Variants in TRPM3 observed in about 807,000 individuals in gnomAD.
The protein encoded by TRPM3 is long transient receptor potential channel 3.
A neutral mutation model predicts 181.2 loss-of-function variants in TRPM3; 77 were observed. The ratio of observed to expected loss-of-function variants is 0.42; its 90% confidence interval spans 0.35 to 0.51. The LOEUF is 0.51. Among genes scored for constraint, TRPM3 ranks in the 20% least tolerant of loss-of-function variants. The pLI, the probability that TRPM3 is intolerant of heterozygous loss-of-function variation, is 0.01. For synonymous variants in TRPM3, 745 were observed against 796.4 expected (o/e 0.94, Z 1.09); for missense variants, 1,759 against 2,196.7 (o/e 0.80, Z 3.98).
At chr9:70,561,501 G>A (rs1022916673) in intron 22 of TRPM3, among the ~76,000 whole-genome samples, 1 of 152,134 alleles carries the variant, frequency 6.6e-6, no homozygotes. Flanking sequence ...ATTGCTTTCA[G>A]TAGGTGACTG....
intron 22 of TRPM3, among the ~76,000 whole-genome samples, chr9:70,570,092 T>C (rs556201976): frequency 6.2e-4 from 94 of 152,272 alleles, no homozygotes; most frequent in African/African-American, 2.2e-3. Context: ...GTGCTCAAGA[T>C]TGGCGTTGCT....
intron 7 of TRPM3, among the ~76,000 whole-genome samples, chr9:70,771,316 G>T (rs1182662749): frequency 6.6e-6 from 1 of 152,188 alleles, no homozygotes; most frequent in African/African-American, 2.4e-5. Context: ...GGTCTGTGAA[G>T]GTGAACTGAT....
chr9:71,097,972 A>C (rs1164004073), intron 1 of TRPM3, among the ~76,000 whole-genome samples: 1 of 152,152 alleles, frequency 6.6e-6, no homozygotes, highest in Admixed American at 6.5e-5. Context: ...TCCTAAAACC[A>C]TCCAGGACTC....
chr9:71,340,493 G>A (rs2090885791), intron 1 of TRPM3, among the ~76,000 whole-genome samples: 1 of 152,088 alleles, frequency 6.6e-6, no homozygotes, highest in Non-Finnish European at 1.5e-5. Flanking sequence ...AGTCTCACGA[G>A]ATCTGATGGT....
At chr9:70,550,703 A>G (rs2046261258) in intron 24 of TRPM3, among the ~76,000 whole-genome samples, 1 of 152,198 alleles carries the variant, frequency 6.6e-6, no homozygotes, top group South Asian at 2.1e-4. Flanking sequence ...AAATATTTGG[A>G]GCCCTGGATT....
chr9:70,561,771 T>C (rs907661582), intron 22 of TRPM3, among the ~76,000 whole-genome samples: 1 of 152,162 alleles, frequency 6.6e-6, no homozygotes, highest in Non-Finnish European at 1.5e-5. Context: ...TGATATTCTC[T>C]ACAGTGCAAC....
At chr9:71,393,850 A>G (rs2093123956) in intron 1 of TRPM3, among the ~76,000 whole-genome samples, 1 of 152,214 alleles carries the variant, frequency 6.6e-6, no homozygotes, top group South Asian at 2.1e-4. Flanking sequence ...TCTCAACGTC[A>G]CAGTTAAATT....
chr9:71,147,229 CTTAG>C (rs1258419386), intron 1 of TRPM3, among the ~76,000 whole-genome samples: 2 of 152,116 alleles, frequency 1.3e-5, no homozygotes, highest in Non-Finnish European at 1.5e-5. Flanking sequence ...TCATGGATTT[CTTAG>C]TTAGTATTAA....
At chr9:70,791,111 A>G (rs2085282656) in intron 6 of TRPM3, among the ~76,000 whole-genome samples, 1 of 152,222 alleles carries the variant, frequency 6.6e-6, no homozygotes. Flanking sequence ...CAGCCTAACT[A>G]TAACTGGAAT....
rs1329638248 is a variant in TRPM3, at chr9:70,532,837, G to T, written c.*3116C>A. On this transcript the variant is annotated 3_prime_UTR_variant, in exon 26 of 26. Transcript: ENST00000677713. ...AAAGACAGGTAATTAACGTCCCCTC[G>T]ATCAGGGATGTGGTGGAATCAATGG... is the stretch of plus-strand genomic sequence containing the variant. 6.6e-6 allele frequency: 1 copy of T among 152,070 alleles called. No homozygotes were observed. The highest frequency in any genetic ancestry group is 2.4e-5 in the African/African-American group (1 of 41,376). 9.4% of individuals were successfully genotyped at this position (152,070 alleles called of 1,614,324 possible). A position where few individuals can be genotyped will look rare whatever the true frequency, so the allele number is the denominator to read the frequency against.
chr9:70,632,077 T>A (rs114975153), intron 12 of TRPM3, among the ~76,000 whole-genome samples: 2,920 of 152,300 alleles, frequency 0.019, 97 homozygotes, highest in African/African-American at 0.066. Flanking sequence ...CACACATATA[T>A]TTCCCCCCAT....
chr9:70,558,283 TTTC>T (rs755604256), intron 22 of TRPM3, among the ~76,000 whole-genome samples: 17 of 152,154 alleles, frequency 1.1e-4, no homozygotes, highest in Admixed American at 3.3e-4. Context: ...TGCGATTCTT[TTTC>T]TTAAGTCGAT....
chr9:70,649,586 A>G (rs2080026381), intron 9 of TRPM3, among the ~76,000 whole-genome samples: 3 of 152,170 alleles, frequency 2.0e-5, no homozygotes, highest in Admixed American at 6.6e-5. Context: ...ATCAAAACCA[A>G]AATGAGATAC....
chr9:70,623,470 T>C (rs2063959797), intron 14 of TRPM3, among the ~76,000 whole-genome samples: 1 of 152,068 alleles, frequency 6.6e-6, no homozygotes, highest in Non-Finnish European at 1.5e-5. Flanking sequence ...AGAGGGTGTG[T>C]AAAGTCAAAG....
rs770013626 is a variant in TRPM3, at chr9:70,784,102, T to C, written c.1148+3A>G. 1.2e-6 allele frequency: 2 copies of C among 1,611,978 alleles called. No homozygotes were observed. Among genetic ancestry groups the C allele is most frequent in the Non-Finnish European group, 1.7e-6 (2 of 1,178,838 alleles). On this transcript the variant is annotated splice_donor_region_variant and intron_variant, in intron 7 of 25. Transcript: ENST00000677713. ...CTTCCATGGGGCCTGGAAAGTTACC[T>C]ACCCGCCTTCTTCTGAGTATTTATG...
chr9:70,650,755 T>C (rs138240497), intron 9 of TRPM3, among the ~76,000 whole-genome samples: 1 of 152,298 alleles, frequency 6.6e-6, no homozygotes, highest in East Asian at 1.9e-4. Context: ...TTTTTCACAA[T>C]GTATATTTGA....
chr9:70,849,776 T>A (rs769507290), intron 3 of TRPM3, among the ~76,000 whole-genome samples: 3 of 149,972 alleles, frequency 2.0e-5, no homozygotes, highest in Non-Finnish European at 4.4e-5. Context: ...TATGCCTGCA[T>A]GTAATCATAC....
chr9:71,135,428 A>G (rs1336895750), intron 1 of TRPM3, among the ~76,000 whole-genome samples: 1 of 152,166 alleles, frequency 6.6e-6, no homozygotes, highest in South Asian at 2.1e-4. Context: ...ACTCTGTCAG[A>G]GCACCTTGCT....
chr9:71,409,767 A>T (rs140214838), intron 1 of TRPM3, among the ~76,000 whole-genome samples: 3,981 of 152,268 alleles, frequency 0.026, 104 homozygotes, highest in African/African-American at 0.065. Flanking sequence ...CCTAAGAGAC[A>T]TCTACAAAAC....
Sources: gnomAD v4.1 joint callset for allele counts (sites outside exome capture counted in the v4.1 genomes callset) on GRCh38, gnomAD v4.1.1 for gene constraint, MANE v1.5 for transcripts, NCBI Gene and HGNC (gene_info 2026-07-23, HGNC 2026-07-21) for gene names.